Variants in TENM2 observed in about 807,000 individuals in gnomAD.
TENM2 encodes teneurin transmembrane protein 2.
Under a neutral mutation model 245.2 loss-of-function variants are expected in TENM2, and 52 were observed. That is an observed-to-expected ratio of 0.21 (90% CI 0.17 to 0.27). TENM2 has a LOEUF of 0.27. TENM2 is among the 10% of genes least tolerant of loss of function. TENM2 has a pLI of 1.00. For synonymous variants in TENM2, 1,363 were observed against 1,438.9 expected (o/e 0.95, Z 1.19); for missense variants, 3,046 against 3,666.8 (o/e 0.83, Z 4.37).
At chr5:167,393,821 G>A (rs1050278500) in intron 2 of TENM2, among the ~76,000 whole-genome samples, 2 of 152,154 alleles carry the variant, frequency 1.3e-5, no homozygotes, top group African/African-American at 2.4e-5. Context: ...GACAGTGTCT[G>A]TCTGGGACAA....
chr5:167,978,183 G>A (rs1782580471), intron 4 of TENM2, among the ~76,000 whole-genome samples: 1 of 152,110 alleles, frequency 6.6e-6, no homozygotes, highest in African/African-American at 2.4e-5. Context: ...CCTTTTCTTT[G>A]TAAATTACCC....
the TENM2 span, among the ~76,000 whole-genome samples, chr5:166,979,197 G>GCACCACCAC: frequency 3.5e-5 from 1 of 28,200 alleles, no homozygotes; most frequent in East Asian, 6.6e-4. Flanking sequence ...ACCACCACCA[G>GCACCACCAC]CAGCAGCAGC....
chr5:167,895,575 A>G (rs1327918966), intron 3 of TENM2, among the ~76,000 whole-genome samples: 1 of 152,214 alleles, frequency 6.6e-6, no homozygotes, highest in East Asian at 1.9e-4. Flanking sequence ...ACTTCTAATT[A>G]ATTAAAACAG....
intron 3 of TENM2, among the ~76,000 whole-genome samples, chr5:167,890,644 C>T (rs899505503): frequency 2.6e-5 from 4 of 152,218 alleles, no homozygotes; most frequent in East Asian, 1.9e-4. Flanking sequence ...ATGTCATGGC[C>T]ACAAATCACT....
chr5:168,206,631 T>C (rs1385758533), intron 19 of TENM2, among the ~76,000 whole-genome samples: 1 of 152,152 alleles, frequency 6.6e-6, no homozygotes, highest in South Asian at 2.1e-4. Flanking sequence ...AAACTGGCGA[T>C]CAGACAAATC....
At chr5:167,461,595 T>C (rs1261429352) in intron 2 of TENM2, among the ~76,000 whole-genome samples, 1 of 152,220 alleles carries the variant, frequency 6.6e-6, no homozygotes, top group Non-Finnish European at 1.5e-5. Context: ...TTGGGTTATT[T>C]AGCAACATAT....
intron 2 of TENM2, among the ~76,000 whole-genome samples, chr5:167,771,109 C>T (rs1326296369): frequency 2.6e-5 from 4 of 152,092 alleles, no homozygotes; most frequent in Non-Finnish European, 5.9e-5. Flanking sequence ...AACATCACTA[C>T]ATTATAAGGC....
chr5:168,076,223 ATTTTAT>A (rs1370554936), intron 7 of TENM2, among the ~76,000 whole-genome samples: 3 of 65,598 alleles, frequency 4.6e-5, no homozygotes, highest in African/African-American at 1.5e-4. Context: ...ATTTTATTTT[ATTTTAT>A]TTTATTTTAT....
At chr5:167,015,672 C>T in the TENM2 span, among the ~76,000 whole-genome samples, 1 of 152,088 alleles carries the variant, frequency 6.6e-6, no homozygotes, top group African/African-American at 2.4e-5. Flanking sequence ...CTTGCCATTT[C>T]ACAATGACTG....
chr5:167,410,853 A>G (rs1484426752), intron 2 of TENM2, among the ~76,000 whole-genome samples: 1 of 152,056 alleles, frequency 6.6e-6, no homozygotes, highest in Non-Finnish European at 1.5e-5. Context: ...AGTGCATTGT[A>G]TTTAGCATGG....
chr5:167,077,624 C>G, the TENM2 span, among the ~76,000 whole-genome samples: 5 of 152,026 alleles, frequency 3.3e-5, no homozygotes, highest in African/African-American at 4.8e-5. Context: ...TTAAATCATG[C>G]CTTGTTTGTT....
At chr5:167,354,149 C>A (rs922909625) in intron 1 of TENM2, among the ~76,000 whole-genome samples, 5 of 152,162 alleles carry the variant, frequency 3.3e-5, no homozygotes, top group Admixed American at 3.3e-4. Context: ...TAAAGACCAG[C>A]CGGAACTGCC....
chr5:167,749,637 CA>C (rs11348656), intron 2 of TENM2, among the ~76,000 whole-genome samples: 102,303 of 145,334 alleles, frequency 0.7, 37,015 homozygotes, highest in Non-Finnish European at 0.82. Context: ...AACCCCATCT[CA>C]AAAAAAAAAA....
chr5:167,458,843 C>T (rs748746312), intron 2 of TENM2, among the ~76,000 whole-genome samples: 13 of 152,168 alleles, frequency 8.5e-5, no homozygotes, highest in Non-Finnish European at 1.9e-4. Context: ...CAAAGTAGCA[C>T]ACTGTGGGTG....
chr5:167,134,980 T>C, the TENM2 span, among the ~76,000 whole-genome samples: 1 of 152,232 alleles, frequency 6.6e-6, no homozygotes, highest in African/African-American at 2.4e-5. Flanking sequence ...CTTAGCCTTA[T>C]TCATTAATAC....
intron 2 of TENM2, among the ~76,000 whole-genome samples, chr5:167,707,141 T>G (rs1758591180): frequency 6.6e-6 from 1 of 152,078 alleles, no homozygotes; most frequent in Non-Finnish European, 1.5e-5. Flanking sequence ...GTGGTTTTGA[T>G]TTGTATTTCC....
chr5:167,215,029 C>T, the TENM2 span, among the ~76,000 whole-genome samples: 2 of 152,110 alleles, frequency 1.3e-5, no homozygotes, highest in Non-Finnish European at 2.9e-5. Context: ...AGGAATTTTT[C>T]ATCTTCTAGA....
intron 28 of TENM2, among the ~76,000 whole-genome samples, chr5:168,261,222 A>G (rs1227243051): frequency 1.3e-5 from 2 of 152,064 alleles, no homozygotes; most frequent in South Asian, 2.1e-4. Context: ...TCCCCCAACC[A>G]CCAATTGAGA....
intron 2 of TENM2, among the ~76,000 whole-genome samples, chr5:167,469,633 T>C (rs1766887217): frequency 6.6e-6 from 1 of 152,170 alleles, no homozygotes; most frequent in Admixed American, 6.5e-5. Context: ...AAATCATTTC[T>C]GCAGTTACTT....
Sources: allele counts gnomAD v4.1 joint callset (sites outside exome capture counted in the v4.1 genomes callset), GRCh38; gene constraint gnomAD v4.1.1; transcripts MANE v1.5; gene names NCBI Gene and HGNC (gene_info 2026-07-23, HGNC 2026-07-21).